Variants in ROBO1 observed in about 807,000 individuals in gnomAD.
ROBO1 encodes the protein roundabout homolog 1.
A neutral mutation model predicts 195.9 loss-of-function variants in ROBO1; 149 were observed. That is an observed-to-expected ratio of 0.76 (90% confidence interval 0.67 to 0.87). The LOEUF (loss-of-function observed/expected upper bound fraction) is 0.87. Among genes scored for constraint, ROBO1 ranks in the 40% least tolerant of loss-of-function variants. The pLI, the probability that ROBO1 is intolerant of heterozygous loss-of-function variation, is 0.00. For missense variants in ROBO1, 1,933 were observed against 2,068.3 expected (o/e 0.93, Z 1.27); for synonymous variants, 816 against 733.2 (o/e 1.11, Z -1.82).
rs549034591 is a variant in ROBO1, at chr3:79,560,535, T to TTATATATATATATA, written c.88+29275_88+29288dup. On this transcript the variant is annotated intron_variant, in intron 2 of 30. Transcript: ENST00000464233. ...AAAACTTAAAGTATAATAATAATAA[T>TTATATATATATATA]TATATATATATATATATATATATAC... Among the ~76,000 whole-genome samples the TTATATATATATATA allele has an allele frequency of 6.6e-3, 755 of 115,086 alleles. 28 individuals are homozygous for TTATATATATATATA. The highest frequency in any genetic ancestry group is 0.026 in the African/African-American group (669 of 25,314). The allele number at this position is 115,086 out of a possible 152,430, so 75.5% of individuals were successfully genotyped here.
At chr3:79,223,766 A>C (rs767157104) in intron 2 of ROBO1, among the ~76,000 whole-genome samples, 3 of 152,194 alleles carry the variant, frequency 2.0e-5, no homozygotes. Flanking sequence ...CAAGATAGGT[A>C]ATCAAGCATC....
intron 2 of ROBO1, among the ~76,000 whole-genome samples, chr3:79,190,696 C>G (rs915939735): frequency 4.0e-5 from 6 of 151,508 alleles, no homozygotes; most frequent in Non-Finnish European, 8.9e-5. Flanking sequence ...GTAAGGTCCC[C>G]CTTGACTCAA....
intron 8 of ROBO1, chr3:78,693,354 C>G: frequency 1.9e-6 from 3 of 1,544,738 alleles, no homozygotes; most frequent in Non-Finnish European, 2.6e-6. Context: ...TTACCAGACC[C>G]AACTAAAACA....
At chr3:79,341,500 T>A (rs2109225264) in intron 2 of ROBO1, among the ~76,000 whole-genome samples, 1 of 152,194 alleles carries the variant, frequency 6.6e-6, no homozygotes, top group South Asian at 2.1e-4. Flanking sequence ...GGTTCTTTTT[T>A]TTTTAATTAA....
At chr3:78,651,983 C>G in intron 18 of ROBO1, 54 bp from the exon 19 acceptor site, 1 of 1,353,296 alleles carries the variant, frequency 7.4e-7, no homozygotes, top group Non-Finnish European at 1.0e-6. Flanking sequence ...CAATAATGCA[C>G]GCACTCATTT....
chr3:79,553,833 C>T (rs1942607936), intron 2 of ROBO1, among the ~76,000 whole-genome samples: 1 of 151,990 alleles, frequency 6.6e-6, no homozygotes, highest in African/African-American at 2.4e-5. Flanking sequence ...CAGCACAGAT[C>T]CTGTTTTGAG....
intron 3 of ROBO1, among the ~76,000 whole-genome samples, chr3:79,035,605 G>A (rs999031550): frequency 6.6e-6 from 1 of 151,942 alleles, no homozygotes; most frequent in African/African-American, 2.4e-5. Flanking sequence ...AATGTTTCTA[G>A]TCCCAGCTAC....
At chr3:79,608,835 C>T (rs1348748997) in intron 1 of ROBO1, among the ~76,000 whole-genome samples, 1 of 151,800 alleles carries the variant, frequency 6.6e-6, no homozygotes, top group Non-Finnish European at 1.5e-5. Context: ...ATGTTCGTGT[C>T]CTCTCAAAAA....
chr3:79,231,731 TA>T (rs2082324884), intron 2 of ROBO1, among the ~76,000 whole-genome samples: 2 of 152,274 alleles, frequency 1.3e-5, no homozygotes, highest in South Asian at 4.1e-4. Context: ...CAAAAGGGTA[TA>T]AATTATTCTA....
chr3:79,081,804 GCTT>G (rs2079279840), intron 3 of ROBO1, among the ~76,000 whole-genome samples: 1 of 152,094 alleles, frequency 6.6e-6, no homozygotes, highest in Non-Finnish European at 1.5e-5. Context: ...GGAAAGGATG[GCTT>G]CTTCATCAAT....
rs1172542268 is a variant in ROBO1 at position 78,924,826 on chromosome 3, T to C, written c.499+13775A>G. ...TCTCACTTTAAACAAAAGCAGAGTG[T>C]TCCAAAAATAATTAAATATTTAGAG... On this transcript the variant is annotated intron_variant, in intron 4 of 30. Transcript: ENST00000464233. 2.0e-5 allele frequency among the ~76,000 whole-genome samples: 3 copies of C among 152,224 alleles called. No homozygotes were observed. The East Asian group carries it at 5.8e-4, about 29-fold the overall frequency.
intron 4 of ROBO1, among the ~76,000 whole-genome samples, chr3:78,806,798 GC>G (rs2084555451): frequency 6.6e-6 from 1 of 151,936 alleles, no homozygotes; most frequent in Admixed American, 6.6e-5. Flanking sequence ...TAAAGACCTT[GC>G]TTTTTTAAAT....
At chr3:78,722,329 T>C (rs1019931003) in intron 5 of ROBO1, among the ~76,000 whole-genome samples, 2 of 152,156 alleles carry the variant, frequency 1.3e-5, no homozygotes, top group Non-Finnish European at 2.9e-5. Context: ...TAAACAAAGC[T>C]GGAGTTTGTT....
intron 3 of ROBO1, among the ~76,000 whole-genome samples, chr3:78,966,511 T>G (rs750333741): frequency 6.6e-6 from 1 of 152,206 alleles, no homozygotes; most frequent in Non-Finnish European, 1.5e-5. Context: ...AGTGATGTAA[T>G]TTAACAAGTA....
chr3:79,702,593 C>A (rs1385658820), intron 1 of ROBO1, among the ~76,000 whole-genome samples: 1 of 151,698 alleles, frequency 6.6e-6, no homozygotes, highest in Non-Finnish European at 1.5e-5. Context: ...AACCTTCACA[C>A]GAATCTAAGA....
chr3:79,739,683 CTGTTT>C (rs1259678010), intron 1 of ROBO1, among the ~76,000 whole-genome samples: 2 of 152,074 alleles, frequency 1.3e-5, no homozygotes, highest in Non-Finnish European at 2.9e-5. Flanking sequence ...GAAAAGATTA[CTGTTT>C]TGGAAGGTGT....
At chr3:79,438,670 A>G (rs1227701997) in intron 2 of ROBO1, among the ~76,000 whole-genome samples, 14 of 152,074 alleles carry the variant, frequency 9.2e-5, no homozygotes. Context: ...GAATGATAGC[A>G]AATTGGTTTT....
At chr3:79,586,933 T>C (rs1943847877) in intron 2 of ROBO1, among the ~76,000 whole-genome samples, 1 of 151,810 alleles carries the variant, frequency 6.6e-6, no homozygotes, top group Non-Finnish European at 1.5e-5. Flanking sequence ...TGAGGTAAAT[T>C]AACATGAAAA....
At chr3:79,429,832 A>G (rs1215869932) in intron 2 of ROBO1, among the ~76,000 whole-genome samples, 1 of 152,132 alleles carries the variant, frequency 6.6e-6, no homozygotes, top group African/African-American at 2.4e-5. Context: ...ACAAGCAAGT[A>G]GCAAACTATA....
Sources: gnomAD v4.1 joint callset for allele counts (sites outside exome capture counted in the v4.1 genomes callset) on GRCh38, gnomAD v4.1.1 for gene constraint, MANE v1.5 for transcripts, NCBI Gene and HGNC (gene_info 2026-07-23, HGNC 2026-07-21) for gene names.